Variants in ERC2 observed in about 807,000 individuals in gnomAD.
The protein encoded by ERC2 is ERC protein 2.
ERC2 carries 42 observed loss-of-function variants against 114.8 expected under a neutral mutation model. The observed-to-expected ratio is 0.37, with a 90% CI of 0.29 to 0.47. The LOEUF (loss-of-function observed/expected upper bound fraction) is 0.47. ERC2 is among the 20% of genes least tolerant of loss of function. The pLI is 0.99. For synonymous variants in ERC2, 454 were observed against 425.5 expected, an observed-to-expected ratio of 1.07 and a Z score of -0.82; for missense variants, 939 against 1,150.7, an observed-to-expected ratio of 0.82 and a Z score of 2.66.
chr3:55,875,603 T>C (rs993429202), intron 14 of ERC2, among the ~76,000 whole-genome samples: 1 of 152,126 alleles, frequency 6.6e-6, no homozygotes, highest in East Asian at 1.9e-4. Context: ...GCTTTGCTCC[T>C]GGGAACTGAG....
At chr3:55,537,768 G>A (rs1187975087) in intron 17 of ERC2, among the ~76,000 whole-genome samples, 1 of 150,140 alleles carries the variant, frequency 6.7e-6, no homozygotes, top group African/African-American at 2.5e-5. Context: ...ACTCTGCATG[G>A]AGGACACAGG....
intron 4 of ERC2, among the ~76,000 whole-genome samples, chr3:56,168,984 G>C (rs1159522394): frequency 2.0e-5 from 3 of 152,138 alleles, no homozygotes; most frequent in Non-Finnish European, 2.9e-5. Context: ...GGGGACAAAT[G>C]TCACTCAAGA....
chr3:55,761,410 G>T (rs199780626), intron 14 of ERC2, among the ~76,000 whole-genome samples: 90 of 147,572 alleles, frequency 6.1e-4, no homozygotes, highest in East Asian at 4.5e-3. Flanking sequence ...TGTTTATCTG[G>T]TTTTTTTTTT....
chr3:55,532,263 C>G (rs1221153812), intron 17 of ERC2, among the ~76,000 whole-genome samples: 3 of 152,222 alleles, frequency 2.0e-5, no homozygotes, highest in African/African-American at 7.2e-5. Context: ...CTGGGTTGAG[C>G]TGCTCAACGT....
chr3:55,828,063 G>T (rs142767032), intron 14 of ERC2, among the ~76,000 whole-genome samples: 2 of 152,192 alleles, frequency 1.3e-5, no homozygotes, highest in Non-Finnish European at 2.9e-5. Flanking sequence ...AACTGTGACC[G>T]TCTGGAAAAA....
chr3:56,345,033 T>C (rs1254100354), intron 2 of ERC2, among the ~76,000 whole-genome samples: 1 of 152,350 alleles, frequency 6.6e-6, no homozygotes, highest in Non-Finnish European at 1.5e-5. Context: ...GAGGTATTTA[T>C]GGCACTGAAA....
chr3:55,744,814 C>G lies in ERC2; in HGVS notation c.2565-9896G>C, dbSNP rs143881116. On this transcript the variant is annotated intron_variant, in intron 14 of 17. Transcript: ENST00000288221. The stretch of plus-strand genomic sequence containing the variant: ...GTTTTGTCCAATTCTTTGTTCAAAA[C>G]TCCAAGAACCTGGACAACTTGCAGT... Among the ~76,000 whole-genome samples, 223 of 152,312 alleles carry G rather than the reference C, an allele frequency of 1.5e-3. 1 individual carries two copies. Among genetic ancestry groups the G allele is most frequent in the Middle Eastern group, 6.8e-3 (2 of 294 alleles).
chr3:55,789,145 C>T (rs1238491699), intron 14 of ERC2, among the ~76,000 whole-genome samples: 1 of 152,174 alleles, frequency 6.6e-6, no homozygotes, highest in East Asian at 1.9e-4. Flanking sequence ...CTGAATATAC[C>T]AGCCTAAGGC....
intron 3 of ERC2, among the ~76,000 whole-genome samples, chr3:56,204,531 A>C (rs894971563): frequency 2.6e-5 from 3 of 116,086 alleles, no homozygotes; most frequent in Non-Finnish European, 5.4e-5. Flanking sequence ...TTGAGACGGA[A>C]TCTCACTCTG....
rs992768224 is a variant in ERC2, at chr3:55,750,411, G to T, written c.2565-15493C>A. ...ACTGTAATATTTAAGGTTGTCCAAG[G>T]TCCCATTGCTTTTAAAAGGAGAACT... On this transcript the variant is annotated intron_variant, in intron 14 of 17. Coordinates refer to ENST00000288221, the MANE Select transcript of ERC2 (RefSeq NM_015576.3). Among the ~76,000 whole-genome samples, 5 of 152,148 alleles carry T rather than the reference G, an allele frequency of 3.3e-5. No homozygotes were observed. In the East Asian group the frequency reaches 5.8e-4, roughly 18 times the overall value.
chr3:55,699,959 C>G (rs1046134242), intron 15 of ERC2, among the ~76,000 whole-genome samples: 2 of 152,162 alleles, frequency 1.3e-5, no homozygotes, highest in Non-Finnish European at 2.9e-5. Flanking sequence ...AAACAATGGT[C>G]TCACAAGACA....
intron 4 of ERC2, among the ~76,000 whole-genome samples, chr3:56,171,205 G>A (rs1448866657): frequency 6.6e-6 from 1 of 152,194 alleles, no homozygotes; most frequent in Non-Finnish European, 1.5e-5. Flanking sequence ...TCTAAAGCCT[G>A]TACAATATGA....
intron 14 of ERC2, among the ~76,000 whole-genome samples, chr3:55,832,715 A>C (rs939106467): frequency 9.2e-5 from 14 of 152,358 alleles, no homozygotes; most frequent in Non-Finnish European, 1.9e-4. Context: ...CCTCCTTCAA[A>C]GGAACGCAGT....
chr3:55,904,473 G>C (rs1251078764), intron 13 of ERC2, among the ~76,000 whole-genome samples: 1 of 152,126 alleles, frequency 6.6e-6, no homozygotes. Context: ...CCTCATCTCA[G>C]CTTTGAACAA....
At chr3:55,763,243 C>T (rs532575969) in intron 14 of ERC2, among the ~76,000 whole-genome samples, 7 of 152,246 alleles carry the variant, frequency 4.6e-5, no homozygotes, top group African/African-American at 1.4e-4. Flanking sequence ...TGTCTCCCAG[C>T]GATGGTGATG....
chr3:56,164,244 G>A (rs1251699547), intron 4 of ERC2, among the ~76,000 whole-genome samples: 2 of 151,944 alleles, frequency 1.3e-5, no homozygotes, highest in Non-Finnish European at 2.9e-5. Flanking sequence ...CACATTAGCA[G>A]TAACTCTTCT....
intron 17 of ERC2, among the ~76,000 whole-genome samples, chr3:55,531,678 T>C (rs1009296370): frequency 1.3e-4 from 20 of 152,180 alleles, no homozygotes; most frequent in African/African-American, 4.8e-4. Flanking sequence ...TCCCTCTGAT[T>C]TCAACCTGCT....
intron 12 of ERC2, among the ~76,000 whole-genome samples, chr3:55,981,403 C>T (rs2070126220): frequency 1.3e-5 from 2 of 152,170 alleles, no homozygotes; most frequent in African/African-American, 2.4e-5. Flanking sequence ...ACACCTGAAA[C>T]CTGGTTTTTC....
At chr3:56,112,536 T>C (rs2079020612) in intron 6 of ERC2, among the ~76,000 whole-genome samples, 1 of 151,968 alleles carries the variant, frequency 6.6e-6, no homozygotes. Context: ...CATCAATTCC[T>C]CTTCAGTCTT....
Sources: allele counts gnomAD v4.1 joint callset (sites outside exome capture counted in the v4.1 genomes callset), GRCh38; gene constraint gnomAD v4.1.1; transcripts MANE v1.5; gene names NCBI Gene and HGNC (gene_info 2026-07-23, HGNC 2026-07-21).